Variants in SSC5D observed in about 807,000 individuals in gnomAD.
SSC5D encodes the protein soluble scavenger receptor cysteine-rich domain-containing protein SSC5D.
SSC5D carries 106 observed loss-of-function variants against 104.6 expected under a neutral mutation model. The ratio of observed to expected loss-of-function variants is 1.01; its 90% CI spans 0.87 to 1.19. The LOEUF (loss-of-function observed/expected upper bound fraction) is 1.19. Among genes scored for constraint, SSC5D ranks in the 50% most tolerant of loss-of-function variants. SSC5D has a pLI of 0.00. For missense variants in SSC5D, 1,993 were observed against 2,153.8 expected, an observed-to-expected ratio of 0.93 and a Z score of 1.48; for synonymous variants, 860 against 883.5, an observed-to-expected ratio of 0.97 and a Z score of 0.47.
chr19:55,510,773 A>ATGTT (rs1194013820), intron 12 of SSC5D, among the ~76,000 whole-genome samples: 1 of 150,390 alleles, frequency 6.6e-6, no homozygotes, highest in East Asian at 2.0e-4. Context: ...GTTTGCTTTT[A>ATGTT]TGTTTGTTTG....
In SSC5D at chr19:55,490,382, T is replaced by C; in HGVS notation, c.560T>C (p.Leu187Pro). 6.7e-7 allele frequency: 1 copy of C among 1,499,536 alleles called. No individual in the cohort carries two copies. The highest frequency in any genetic ancestry group is 9.0e-7 in the Non-Finnish European group (1 of 1,109,560). The allele number at this position is 1,499,536 out of a possible 1,614,324, so 92.9% of individuals were successfully genotyped here. A position where few individuals can be genotyped will look rare whatever the true frequency, so the allele number is the denominator to read the frequency against. ...PKQAKSTRAPLLTTGAPRQER... is the reference protein window; with the variant it reads ...PKQAKSTRAPPLTTGAPRQER... ...CAGGCCAAGTCCACCCGGGCCCCTC[T>C]GCTGACGACAGGAGCCCCCCGCCAA... The change falls in exon 5 of 14, where the codon CTG (leucine) becomes CCG (proline). Residue 187 changes from leucine (L) to proline (P), a missense_variant. Physicochemically the swap from Leu to Pro is moderately conservative, Grantham distance 98. Around this residue, in one of 6 missense-constraint regions of SSC5D, gnomAD observed 1,101 missense variants for 1,085.0 expected, o/e 1.01. Transcript: ENST00000389623.
At position 55,518,993 on chromosome 19, in the gene SSC5D, G is replaced by A. The variant is rs774177924; in HGVS notation, c.4717G>A (p.Val1573Met). Residue 1573 changes from valine (V) to methionine (M), a missense_variant, in exon 14 of 14, where the codon GTG becomes ATG. This residue lies in a region of SSC5D where 349 missense variants were observed against 397.6 expected (regional missense o/e 0.88). Transcript: ENST00000389623. ...AGAAGAAAGACCCCTGAGGGGAGAC[G>A]TGTGACCCTCTCCAGGATTTGAGGG... ...EEEERPLRGD[V>M] 41 of 1,550,064 alleles carry A rather than the reference G, an allele frequency of 2.6e-5. No individual in the cohort carries two copies. The highest frequency in any genetic ancestry group is 2.7e-5 in the African/African-American group (2 of 72,986).
chr19:55,513,757 C>T (rs1473737561), intron 13 of SSC5D, among the ~76,000 whole-genome samples: 1 of 152,150 alleles, frequency 6.6e-6, no homozygotes, highest in Non-Finnish European at 1.5e-5. Context: ...ATTCACAATG[C>T]ACACGACATT....
At chr19:55,495,158 C>T (rs1470640742) in intron 8 of SSC5D, among the ~76,000 whole-genome samples, 9 of 140,142 alleles carry the variant, frequency 6.4e-5, no homozygotes, top group Non-Finnish European at 1.2e-4. Flanking sequence ...ATTACCTTTA[C>T]TTTCCAGAGT....
intron 1 of SSC5D, among the ~76,000 whole-genome samples, 196 bp downstream of exon 1, chr19:55,488,810 G>T (rs1243250046): frequency 3.5e-4 from 1 of 2,890 alleles, no homozygotes; most frequent in Non-Finnish European, 5.7e-4. Context: ...CCTGCCCCCT[G>T]CCCGCCCCCC....
In SSC5D at chr19:55,518,992, C is replaced by T. The variant is rs1329003507; in HGVS notation, c.4716C>T (p.Asp1572=). The T allele has an allele frequency of 3.0e-5, 47 of 1,550,096 alleles. No individual in the cohort carries two copies. Among genetic ancestry groups the T allele is most frequent in the Non-Finnish European group, 3.9e-5 (45 of 1,146,860 alleles). Residue 1572 remains aspartate (D), a synonymous_variant, in exon 14 of 14, where the codon GAC becomes GAT. Coordinates refer to ENST00000389623, the MANE Select transcript of SSC5D (RefSeq NM_001144950.2). ...AAGAAGAAAGACCCCTGAGGGGAGA[C>T]GTGTGACCCTCTCCAGGATTTGAGG... ...PEEEERPLRG[D]V is the part of the protein sequence containing the mutation.
At chr19:55,507,692 A>G (rs950005191) in intron 12 of SSC5D, among the ~76,000 whole-genome samples, 1 of 151,862 alleles carries the variant, frequency 6.6e-6, no homozygotes, top group African/African-American at 2.4e-5. Flanking sequence ...AAAAAAAGAA[A>G]AAAAGAGACA....
Position 55,488,629 on chromosome 19 carries a change from C to T in SSC5D, c.25+15C>T. On this transcript the variant is annotated intron_variant, in intron 1 of 13. Transcript: ENST00000389623. Reference sequence around the variant, plus strand: ...CTGCCTCCTTGGTGAGTGATCCATTCTCCTTGGGGACTCGGGGGGCCTAGG... The same window carrying T: ...CTGCCTCCTTGGTGAGTGATCCATTTTCCTTGGGGACTCGGGGGGCCTAGG... 6.5e-7 allele frequency: 1 copy of T among 1,549,818 alleles called. No homozygotes were observed. Among genetic ancestry groups the T allele is most frequent in the Non-Finnish European group, 8.7e-7 (1 of 1,146,040 alleles).
intron 5 of SSC5D, 30 bp from the exon 6 acceptor site, chr19:55,490,742 C>T: frequency 2.7e-6 from 4 of 1,456,316 alleles, no homozygotes; most frequent in Non-Finnish European, 3.6e-6. Flanking sequence ...TCTCACTGGC[C>T]ACACCGTCCC....
rs540170743 is a variant in SSC5D, at chr19:55,491,317, C to T, written c.895+237C>T. ...CTTGGGCTAGTGCTCAGCCCTGTCC[C>T]GGGGCCTAGGCCAGTGACCGTTTGT... On this transcript the variant is annotated intron_variant, in intron 6 of 13. Coordinates refer to ENST00000389623, the MANE Select transcript of SSC5D (RefSeq NM_001144950.2). 359 of 541,064 alleles carry T rather than the reference C, an allele frequency of 6.6e-4. 9 individuals are homozygous for T. In the South Asian group the frequency reaches 8.6e-3, roughly 13 times the overall value. 33.5% of individuals were successfully genotyped at this position (541,064 alleles called of 1,614,324 possible). A position where few individuals can be genotyped will look rare whatever the true frequency, so the allele number is the denominator to read the frequency against.
At chr19:55,505,099 C>T (rs1987610418) in intron 12 of SSC5D, among the ~76,000 whole-genome samples, 1 of 151,650 alleles carries the variant, frequency 6.6e-6, no homozygotes, top group Non-Finnish European at 1.5e-5. Flanking sequence ...TGGTTCCAAC[C>T]CGGATTAGAA....
In SSC5D at chr19:55,495,233, A is replaced by ATTTTTTTT. The variant is rs74181759; in HGVS notation, c.1387+470_1387+477dup. 2.2e-4 allele frequency among the ~76,000 whole-genome samples: 11 copies of ATTTTTTTT among 50,648 alleles called. 2 individuals carry two copies. Among genetic ancestry groups the ATTTTTTTT allele is most frequent in the Admixed American group, 3.2e-4 (1 of 3,106 alleles). 33.2% of individuals were successfully genotyped at this position (50,648 alleles called of 152,430 possible). ...CCTCCTTTCATATATATATATATAT[A>ATTTTTTTT]TTTTTTTTTTTTTTTTTTTTTTTTT... On this transcript the variant is annotated intron_variant, in intron 8 of 13. Transcript: ENST00000389623.
At chr19:55,507,540 C>T (rs1297539965) in intron 12 of SSC5D, among the ~76,000 whole-genome samples, 3 of 151,040 alleles carry the variant, frequency 2.0e-5, no homozygotes, top group African/African-American at 7.3e-5. Context: ...GTGGTGCATG[C>T]CTATAATCCC....
At chr19:55,496,684 C>T (rs577772676) in intron 8 of SSC5D, among the ~76,000 whole-genome samples, 14 of 151,718 alleles carry the variant, frequency 9.2e-5, no homozygotes, top group South Asian at 4.2e-4. Context: ...TGTTCCAGGG[C>T]GCACGTTCTT....
At chr19:55,504,173 C>CT (rs1002464695) in intron 12 of SSC5D, 1 of 1,535,428 alleles carries the variant, frequency 6.5e-7, no homozygotes, top group African/African-American at 1.4e-5. Context: ...GCCAGGGTTG[C>CT]AGCGCCTCCC....
intron 12 of SSC5D, among the ~76,000 whole-genome samples, chr19:55,509,585 G>C (rs1014944801): frequency 4.0e-5 from 6 of 149,246 alleles, no homozygotes. Context: ...TTTCCAAGAC[G>C]GAGTCTCACG....
chr19:55,518,830 C>T lies in SSC5D; in HGVS notation c.4554C>T (p.Arg1518=). 6.4e-7 allele frequency: 1 copy of T among 1,550,396 alleles called. No homozygotes were observed. The highest frequency in any genetic ancestry group is 8.7e-7 in the Non-Finnish European group (1 of 1,146,990). Reference sequence around the variant, plus strand: ...TCGTGGAACAGGAGCGGCAGGAGCGCCAAGCCCTGCTGCTGGGGCTGACGC... The same window carrying T: ...TCGTGGAACAGGAGCGGCAGGAGCGTCAAGCCCTGCTGCTGGGGCTGACGC... The part of the protein sequence containing the change: ...TQVVEQERQE[R]QALLLGLTQL... Residue 1518 remains arginine, a synonymous_variant, in exon 14 of 14, where the codon CGC becomes CGT. Coordinates refer to ENST00000389623, the MANE Select transcript of SSC5D (RefSeq NM_001144950.2).
intron 9 of SSC5D, 126 bp downstream of exon 9, chr19:55,498,323 A>T: frequency 1.1e-6 from 1 of 937,666 alleles, no homozygotes; most frequent in South Asian, 1.7e-5. Context: ...GTTTTTGCAC[A>T]TATAACCACA....
At chr19:55,501,284 C>T (rs1987497389) in intron 12 of SSC5D, 83 bp downstream of exon 12, 2 of 1,434,412 alleles carry the variant, frequency 1.4e-6, no homozygotes, top group Non-Finnish European at 1.8e-6. Flanking sequence ...AAAGACCCTT[C>T]TCAATGAGCT....
Sources: allele counts gnomAD v4.1 joint callset (sites outside exome capture counted in the v4.1 genomes callset), GRCh38; gene constraint gnomAD v4.1.1; regional missense constraint gnomAD v4.1.1; transcripts MANE v1.5; gene names NCBI Gene and HGNC (gene_info 2026-07-23, HGNC 2026-07-21).